Variants in KCNIP4 observed in about 807,000 individuals in gnomAD.
KCNIP4 encodes the protein potassium voltage-gated channel interacting protein 4.
KCNIP4 carries 12 observed loss-of-function variants against 34.0 expected under a neutral mutation model. That is an observed-to-expected ratio of 0.35 (90% CI 0.23 to 0.57). The LOEUF is 0.57. KCNIP4 is among the 20% of genes least tolerant of loss of function. The pLI, the probability that KCNIP4 is intolerant of heterozygous loss-of-function variation, is 0.83. For synonymous variants in KCNIP4, 124 were observed against 102.2 expected (o/e 1.21, Z -1.29); for missense variants, 238 against 311.7 (o/e 0.76, Z 1.78).
chr4:21,545,674 G>A (rs1254874885), intron 1 of KCNIP4, among the ~76,000 whole-genome samples: 1 of 152,086 alleles, frequency 6.6e-6, no homozygotes, highest in Non-Finnish European at 1.5e-5. Flanking sequence ...TGAGAATGAT[G>A]GTTTCCAGCT....
At chr4:21,240,306 A>G (rs1261414962) in intron 1 of KCNIP4, among the ~76,000 whole-genome samples, 1 of 145,048 alleles carries the variant, frequency 6.9e-6, no homozygotes, top group Non-Finnish European at 1.5e-5. Flanking sequence ...GCACACCAAC[A>G]TGGCACATGT....
chr4:20,968,131 C>A (rs549680758), intron 1 of KCNIP4, among the ~76,000 whole-genome samples: 3 of 152,294 alleles, frequency 2.0e-5, no homozygotes, highest in Non-Finnish European at 2.9e-5. Context: ...TGAACAAACA[C>A]TTCTCAAAAG....
intron 1 of KCNIP4, among the ~76,000 whole-genome samples, chr4:21,329,288 G>A (rs561540584): frequency 8.7e-4 from 133 of 152,122 alleles, no homozygotes; most frequent in Non-Finnish European, 3.5e-4. Context: ...AAGAGGATAC[G>A]GAAAAACATA....
intron 2 of KCNIP4, among the ~76,000 whole-genome samples, chr4:20,863,941 T>G (rs1265003751): frequency 6.6e-6 from 1 of 151,428 alleles, no homozygotes; most frequent in Non-Finnish European, 1.5e-5. Flanking sequence ...TGAGTGTATA[T>G]GTATATATAT....
intron 3 of KCNIP4, among the ~76,000 whole-genome samples, chr4:20,806,215 T>C (rs540949997): frequency 6.6e-6 from 1 of 152,150 alleles, no homozygotes; most frequent in Admixed American, 6.5e-5. Context: ...TTGCTGTATT[T>C]TTCCTTCCTT....
intron 3 of KCNIP4, among the ~76,000 whole-genome samples, chr4:20,802,165 CTATATATGCTA>C (rs200231130): frequency 0.014 from 1,726 of 122,806 alleles, 71 homozygotes; most frequent in African/African-American, 0.048. Flanking sequence ...TATATATATG[CTATATATGCTA>C]TATATATGCT....
At chr4:21,490,540 T>C (rs1018370765) in intron 1 of KCNIP4, among the ~76,000 whole-genome samples, 1 of 152,136 alleles carries the variant, frequency 6.6e-6, no homozygotes, top group African/African-American at 2.4e-5. Context: ...ACATTACATA[T>C]GTAATTTAGG....
At chr4:21,548,656 A>T (rs1738326832) in intron 1 of KCNIP4, among the ~76,000 whole-genome samples, 1 of 143,214 alleles carries the variant, frequency 7.0e-6, no homozygotes, top group African/African-American at 2.6e-5. Flanking sequence ...ACCTTCTCAT[A>T]TACAAAAAAA....
chr4:21,877,236 AGAGCTACTTGG>A (rs1222878505), intron 1 of KCNIP4, among the ~76,000 whole-genome samples: 1 of 151,970 alleles, frequency 6.6e-6, no homozygotes, highest in Non-Finnish European at 1.5e-5. Context: ...CCCTGTAATC[AGAGCTACTTGG>A]GAGGCTGAGG....
chr4:21,864,930 T>C (rs1187246831), intron 1 of KCNIP4, among the ~76,000 whole-genome samples: 2 of 152,206 alleles, frequency 1.3e-5, no homozygotes, highest in East Asian at 3.8e-4. Flanking sequence ...AGCAACTCAG[T>C]TCAGCACATG....
At chr4:21,929,347 T>G (rs559074014) in intron 1 of KCNIP4, among the ~76,000 whole-genome samples, 2 of 152,264 alleles carry the variant, frequency 1.3e-5, no homozygotes, top group South Asian at 4.1e-4. Context: ...GCAAATATTT[T>G]CAATAATTGT....
At chr4:21,305,820 C>T (rs958538936) in intron 1 of KCNIP4, among the ~76,000 whole-genome samples, 3 of 152,196 alleles carry the variant, frequency 2.0e-5, no homozygotes, top group African/African-American at 7.2e-5. Context: ...GCCTGTCAAG[C>T]TCTTAAAACT....
chr4:21,190,429 A>T (rs2109345742), intron 1 of KCNIP4, among the ~76,000 whole-genome samples: 1 of 151,576 alleles, frequency 6.6e-6, no homozygotes, highest in East Asian at 2.0e-4. Context: ...ACCGCCCAAC[A>T]AGAATGCTGT....
intron 3 of KCNIP4, among the ~76,000 whole-genome samples, chr4:20,760,112 G>A (rs572984308): frequency 1.3e-5 from 2 of 152,274 alleles, no homozygotes; most frequent in South Asian, 2.1e-4. Context: ...AACTAGTGTT[G>A]TTCAAGAGTC....
At chr4:21,796,371 G>A (rs1235478568) in intron 1 of KCNIP4, among the ~76,000 whole-genome samples, 2 of 151,970 alleles carry the variant, frequency 1.3e-5, no homozygotes, top group Non-Finnish European at 2.9e-5. Context: ...ACTCTTCATG[G>A]TGTTGACTGG....
intron 2 of KCNIP4, among the ~76,000 whole-genome samples, chr4:20,864,181 T>C (rs1722583743): frequency 1.4e-5 from 1 of 72,308 alleles, no homozygotes; most frequent in Non-Finnish European, 3.6e-5. Context: ...TACACATGTA[T>C]GTATGCGTAC....
intron 1 of KCNIP4, among the ~76,000 whole-genome samples, chr4:21,857,231 C>T (rs143233598): frequency 0.016 from 2,366 of 152,288 alleles, 28 homozygotes; most frequent in South Asian, 0.037. Context: ...CAGAACTCAG[C>T]CAGATTCAAA....
chr4:21,206,718 G>T (rs1756877698), intron 1 of KCNIP4, among the ~76,000 whole-genome samples: 1 of 152,174 alleles, frequency 6.6e-6, no homozygotes, highest in South Asian at 2.1e-4. Flanking sequence ...GATGTTATCT[G>T]ATTTGCTCAT....
intron 3 of KCNIP4, among the ~76,000 whole-genome samples, chr4:20,773,744 C>A (rs1174386160): frequency 1.3e-5 from 2 of 152,250 alleles, no homozygotes; most frequent in East Asian, 3.9e-4. Flanking sequence ...AGCCTCATTC[C>A]TACATTAGAT....
Sources: gnomAD v4.1 joint callset for allele counts (sites outside exome capture counted in the v4.1 genomes callset) on GRCh38, gnomAD v4.1.1 for gene constraint, MANE v1.5 for transcripts, NCBI Gene and HGNC (gene_info 2026-07-23, HGNC 2026-07-21) for gene names.